The following ARHGAP15 variants were observed in gnomAD, a reference collection of about 807,000 sequenced individuals.
ARHGAP15 encodes rho GTPase-activating protein 15.
A neutral mutation model predicts 63.7 loss-of-function variants in ARHGAP15; 51 were observed. That is an observed-to-expected ratio of 0.80 (90% CI 0.64 to 1.01). ARHGAP15 has a LOEUF of 1.01. Ranked by LOEUF, ARHGAP15 falls within the 50% of genes least tolerant of loss-of-function variation. The pLI, the probability that ARHGAP15 is intolerant of heterozygous loss-of-function variation, is 0.00. For synonymous variants in ARHGAP15, 191 were observed against 193.8 expected, an observed-to-expected ratio of 0.99 and a Z score of 0.12; for missense variants, 560 against 564.6, an observed-to-expected ratio of 0.99 and a Z score of 0.08.
At chr2:143,546,570 C>T (rs1695340253) in intron 10 of ARHGAP15, among the ~76,000 whole-genome samples, 1 of 152,072 alleles carries the variant, frequency 6.6e-6, no homozygotes, top group Non-Finnish European at 1.5e-5. Flanking sequence ...CCTGCTGTGG[C>T]CACCCCACTG....
intron 3 of ARHGAP15, among the ~76,000 whole-genome samples, chr2:143,210,307 C>T (rs1226637118): frequency 6.6e-6 from 1 of 151,206 alleles, no homozygotes; most frequent in Non-Finnish European, 1.5e-5. Context: ...AGCCTGTTTC[C>T]CAAACAGAAC....
chr2:143,321,121 A>C (rs1329400560), intron 6 of ARHGAP15, among the ~76,000 whole-genome samples: 1 of 151,620 alleles, frequency 6.6e-6, no homozygotes, highest in Non-Finnish European at 1.5e-5. Context: ...TATCCTGAGC[A>C]TTTTCACAGG....
At chr2:143,240,404 C>CA (rs1359490602) in intron 5 of ARHGAP15, among the ~76,000 whole-genome samples, 2 of 152,014 alleles carry the variant, frequency 1.3e-5, no homozygotes, top group Non-Finnish European at 2.9e-5. Context: ...GAAAGCTATT[C>CA]ATGAATTATT....
chr2:143,346,250 T>TCACAGA lies in ARHGAP15; in HGVS notation c.475-89347_475-89346insGACACA, dbSNP rs1685293136. Among the ~76,000 whole-genome samples the TCACAGA allele has an allele frequency of 2.2e-5, 3 of 138,750 alleles. No homozygotes were observed. The East Asian group carries it at 6.3e-4, about 29-fold the overall frequency. The allele number at this position is 138,750 out of a possible 152,430, so 91.0% of individuals were successfully genotyped here. On this transcript the variant is annotated intron_variant, in intron 6 of 13. Coordinates refer to ENST00000295095, the MANE Select transcript of ARHGAP15 (RefSeq NM_018460.4). ...CACACTCTCTCTCACACACACACAC[T>TCACAGA]CACACACACACACACACACACACAC...
intron 6 of ARHGAP15, among the ~76,000 whole-genome samples, chr2:143,384,795 C>A (rs564862039): frequency 8.0e-4 from 122 of 152,210 alleles, no homozygotes; most frequent in African/African-American, 2.9e-3. Flanking sequence ...TCTATTTCTG[C>A]CTCTGCCTCT....
intron 6 of ARHGAP15, among the ~76,000 whole-genome samples, chr2:143,294,251 G>A (rs1558872170): frequency 6.6e-6 from 1 of 151,960 alleles, no homozygotes; most frequent in Non-Finnish European, 1.5e-5. Flanking sequence ...TAAGCACTAG[G>A]TAAACAAGAA....
At chr2:143,752,812 G>A (rs1309100958) in intron 13 of ARHGAP15, among the ~76,000 whole-genome samples, 2 of 152,270 alleles carry the variant, frequency 1.3e-5, no homozygotes, top group East Asian at 3.9e-4. Flanking sequence ...TCGTCCCACA[G>A]TGGGCAGAAA....
chr2:143,481,709 G>A (rs540052139), intron 8 of ARHGAP15, among the ~76,000 whole-genome samples: 12 of 152,234 alleles, frequency 7.9e-5, no homozygotes, highest in South Asian at 2.1e-4. Context: ...GTAAGCATTC[G>A]TAGCTCTAGA....
At chr2:143,395,924 G>C (rs1687737395) in intron 6 of ARHGAP15, among the ~76,000 whole-genome samples, 1 of 151,888 alleles carries the variant, frequency 6.6e-6, no homozygotes, top group Admixed American at 6.6e-5. Context: ...AAGGTGAGTT[G>C]GTCCTGGTGT....
Position 143,221,938 on chromosome 2 carries a change from G to A in ARHGAP15, c.296+5493G>A, listed in dbSNP as rs144724811. On this transcript the variant is annotated intron_variant, in intron 4 of 13. Coordinates refer to ENST00000295095, the MANE Select transcript of ARHGAP15 (RefSeq NM_018460.4). Reference sequence around the variant, plus strand: ...GGGTTTTTGTTTGTTTGTTTTAACAGTTGTTATTCAGAATGGACTTTCTTT... The same window carrying A: ...GGGTTTTTGTTTGTTTGTTTTAACAATTGTTATTCAGAATGGACTTTCTTT... 9.5e-3 allele frequency among the ~76,000 whole-genome samples: 1,448 copies of A among 152,304 alleles called. 31 individuals carry two copies. Among genetic ancestry groups the A allele is most frequent in the African/African-American group, 0.033 (1,374 of 41,550 alleles).
intron 6 of ARHGAP15, among the ~76,000 whole-genome samples, chr2:143,271,692 A>G (rs1020255937): frequency 1.3e-5 from 2 of 152,130 alleles, no homozygotes; most frequent in South Asian, 2.1e-4. Context: ...TAGTCGGGAT[A>G]GTCTCGCGCT....
At chr2:143,362,024 A>G (rs1052130081) in intron 6 of ARHGAP15, among the ~76,000 whole-genome samples, 1 of 152,132 alleles carries the variant, frequency 6.6e-6, no homozygotes, top group African/African-American at 2.4e-5. Context: ...AAGCCTACCT[A>G]CAAGTTACCA....
intron 13 of ARHGAP15, among the ~76,000 whole-genome samples, chr2:143,713,415 A>T (rs539988165): frequency 6.6e-6 from 1 of 152,244 alleles, no homozygotes; most frequent in East Asian, 1.9e-4. Flanking sequence ...ATTCTCAGAG[A>T]TACAATTAAA....
intron 6 of ARHGAP15, among the ~76,000 whole-genome samples, chr2:143,413,971 G>GCACGCGCA (rs147891307): frequency 2.0e-5 from 3 of 147,640 alleles, no homozygotes; most frequent in South Asian, 2.2e-4. Context: ...GTGTGTGCGC[G>GCACGCGCA]CTCTCTGGCA....
intron 6 of ARHGAP15, among the ~76,000 whole-genome samples, chr2:143,299,025 A>G (rs1309414120): frequency 2.6e-5 from 4 of 151,888 alleles, no homozygotes; most frequent in Admixed American, 2.0e-4. Context: ...TAACTTTGCT[A>G]CAATGTCATA....
chr2:143,646,469 T>C (rs1680884291), intron 12 of ARHGAP15, among the ~76,000 whole-genome samples: 1 of 151,966 alleles, frequency 6.6e-6, no homozygotes, highest in Non-Finnish European at 1.5e-5. Flanking sequence ...TTGATTACTA[T>C]ACACCAGGGT....
At chr2:143,292,153 A>T (rs2105121652) in intron 6 of ARHGAP15, among the ~76,000 whole-genome samples, 1 of 152,204 alleles carries the variant, frequency 6.6e-6, no homozygotes, top group East Asian at 1.9e-4. Flanking sequence ...AAAATACAGT[A>T]GCTTGAGTTT....
At chr2:143,392,570 A>G (rs1254364898) in intron 6 of ARHGAP15, among the ~76,000 whole-genome samples, 3 of 152,130 alleles carry the variant, frequency 2.0e-5, no homozygotes, top group African/African-American at 7.2e-5. Context: ...TATATACTCT[A>G]CTCATAGAAG....
intron 12 of ARHGAP15, among the ~76,000 whole-genome samples, chr2:143,687,409 A>G (rs1683399972): frequency 6.6e-6 from 1 of 152,202 alleles, no homozygotes. Flanking sequence ...AGAGCCAGAA[A>G]TTAGAATATG....
Sources: allele counts gnomAD v4.1 joint callset (sites outside exome capture counted in the v4.1 genomes callset), GRCh38; gene constraint gnomAD v4.1.1; transcripts MANE v1.5; gene names NCBI Gene and HGNC (gene_info 2026-07-23, HGNC 2026-07-21).